Variants in PTPRS observed in about 807,000 individuals in gnomAD.
PTPRS encodes the protein receptor-type tyrosine-protein phosphatase S.
In PTPRS, 63 loss-of-function variants were observed where a neutral mutation model predicts 215.3. The observed-to-expected ratio is 0.29, with a 90% CI of 0.24 to 0.36. The LOEUF (loss-of-function observed/expected upper bound fraction) is 0.36, where lower values mean the gene tolerates loss of function less well. Among genes scored for constraint, PTPRS ranks in the 10% least tolerant of loss-of-function variants. PTPRS has a pLI of 1.00. For synonymous variants in PTPRS, 1,404 were observed against 1,191.4 expected (o/e 1.18, Z -3.68); for missense variants, 2,258 against 2,825.8 (o/e 0.80, Z 4.56).
intron 5 of PTPRS, among the ~76,000 whole-genome samples, chr19:5,264,167 C>CTCTCTTGTCTTCGTCCCATGATGT (rs71170902): frequency 5.3e-5 from 8 of 151,862 alleles, no homozygotes; most frequent in African/African-American, 1.9e-4. Flanking sequence ...CCGCCATCAC[C>CTCTCTTGTCTTCGTCCCATGATGT]TCTTACTGCT....
chr19:5,273,381 GT>G (rs2047086425), intron 4 of PTPRS, 60 bp downstream of exon 4: 64 of 1,610,756 alleles, frequency 4.0e-5, no homozygotes, highest in Non-Finnish European at 5.4e-5. Context: ...TATTCCTTTT[GT>G]GCTTGTCCCC....
Position 5,239,026 on chromosome 19 carries a change from A to G in PTPRS, c.1742T>C (p.Val581Ala). ...RTFDPTTSYVVEDLKPNTEYA... is the reference protein window; with the variant it reads ...RTFDPTTSYVAEDLKPNTEYA... Reference sequence around the variant, plus strand: ...CTCCGTGTTGGGCTTCAGGTCCTCCACCACGTAGGAAGTCGTCGGGTCGAA... The same window carrying G: ...CTCCGTGTTGGGCTTCAGGTCCTCCGCCACGTAGGAAGTCGTCGGGTCGAA... Residue 581 changes from valine to alanine, a missense_variant, in exon 13 of 38, where the codon GTG (valine) becomes GCG (alanine). Physicochemically the swap from Val to Ala is moderately conservative, Grantham distance 64. Transcript: ENST00000262963. The G allele has an allele frequency of 6.2e-7, 1 of 1,613,498 alleles. No homozygotes were observed. The highest frequency in any genetic ancestry group is 8.5e-7 in the Non-Finnish European group (1 of 1,179,830).
chr19:5,277,962 T>A, intron 2 of PTPRS: 1 of 1,486,350 alleles, frequency 6.7e-7, no homozygotes, highest in Non-Finnish European at 9.3e-7. Flanking sequence ...CTTCCGGAAG[T>A]TCCTGGTCCC....
intron 13 of PTPRS, among the ~76,000 whole-genome samples, chr19:5,236,155 C>T (rs2379609): frequency 0.81 from 123,571 of 152,254 alleles, 50,814 homozygotes; most frequent in African/African-American, 0.95. Context: ...TCTACAGTCA[C>T]TGGTTGTGTA....
chr19:5,207,629 A>G (rs1432191361), intron 37 of PTPRS, among the ~76,000 whole-genome samples: 1 of 152,206 alleles, frequency 6.6e-6, no homozygotes, highest in Non-Finnish European at 1.5e-5. Flanking sequence ...CTTGGGGGTC[A>G]GTGGTTCTTG....
intron 1 of PTPRS, among the ~76,000 whole-genome samples, chr19:5,334,518 C>A (rs927980268): frequency 1.3e-5 from 2 of 152,218 alleles, no homozygotes; most frequent in African/African-American, 2.4e-5. Flanking sequence ...CCAGGTCACA[C>A]AGCCAACAAG....
At chr19:5,215,711 C>T (rs1030096670) in intron 26 of PTPRS, 116 bp from the exon 27 acceptor site, 5 of 761,596 alleles carry the variant, frequency 6.6e-6, no homozygotes, top group South Asian at 3.7e-5. Context: ...GTTAGAAGGG[C>T]ATGGCCGGGG....
rs562844666 is a variant in PTPRS, at chr19:5,242,825, G to C, written c.1570+1076C>G. On this transcript the variant is annotated intron_variant, in intron 11 of 37. Transcript: ENST00000262963. ...GATCCTCTCATCTCAGCCTTGAGTAGCTGGGACTACAGGTGTGCACCATCA... is the reference window on the plus strand; with the variant it reads ...GATCCTCTCATCTCAGCCTTGAGTACCTGGGACTACAGGTGTGCACCATCA... 1.2e-4 allele frequency among the ~76,000 whole-genome samples: 19 copies of C among 152,238 alleles called. 3 individuals carry two copies. Among genetic ancestry groups the C allele is most frequent in the Admixed American group, 4.6e-4 (7 of 15,296 alleles).
chr19:5,287,880 G>A lies in PTPRS; in HGVS notation c.-94-1646C>T, dbSNP rs1023449429. Among the ~76,000 whole-genome samples, 7 of 150,334 alleles carry A rather than the reference G, an allele frequency of 4.7e-5. No individual in the cohort carries two copies. The highest frequency in any genetic ancestry group is 4.2e-4 in the South Asian group (2 of 4,706). On this transcript the variant is annotated intron_variant, in intron 1 of 37. Coordinates refer to ENST00000262963, the MANE Select transcript of PTPRS (RefSeq NM_002850.4). This position sits in a 1 kb window ranked among gnomAD's most constrained non-coding sequence, Gnocchi z 4.8. Reference sequence around the variant, plus strand: ...CACAGTCAAACCACCGATACACACCGACACACAGTCAGACTGCAAGCGGTT... The same window carrying A: ...CACAGTCAAACCACCGATACACACCAACACACAGTCAGACTGCAAGCGGTT...
At chr19:5,256,646 C>T (rs1330224824) in intron 8 of PTPRS, among the ~76,000 whole-genome samples, 1 of 152,144 alleles carries the variant, frequency 6.6e-6, no homozygotes, top group Non-Finnish European at 1.5e-5. Flanking sequence ...AGGTGAAGAC[C>T]AGTCAGTTGG....
Position 5,229,533 on chromosome 19 carries a change from G to C in PTPRS, c.2307C>G (p.Arg769=). The change falls in exon 15 of 38, where the codon CGC becomes CGG. Residue 769 remains arginine (R), a synonymous_variant. Coordinates refer to ENST00000262963, the MANE Select transcript of PTPRS (RefSeq NM_002850.4). ...HYVRMEGAEA[R]GPPRIKDVML... is the part of the protein sequence containing the mutation. ...TGACGTCCTTGATGCGCGGCGGCCC[G>C]CGGGCCTCGGCGCCCTCCATGCGCA... 6.8e-7 allele frequency: 1 copy of C among 1,463,818 alleles called. No homozygotes were observed. The allele number at this position is 1,463,818 out of a possible 1,614,324, so 90.7% of individuals were successfully genotyped here. A position where few individuals can be genotyped will look rare whatever the true frequency, so the allele number is the denominator to read the frequency against.
chr19:5,256,194 G>C, intron 8 of PTPRS, 75 bp from the exon 9 acceptor site: 2 of 1,215,378 alleles, frequency 1.6e-6, no homozygotes, highest in East Asian at 2.7e-5. Context: ...GAGATACAGA[G>C]AGTAAAAAGA....
rs1432870715 is a variant in PTPRS at position 5,293,082 on chromosome 19, G to C, written c.-94-6848C>G. On this transcript the variant is annotated intron_variant, in intron 1 of 37. Transcript: ENST00000262963. The surrounding 1 kb of genome is among the most constrained non-coding windows in gnomAD (Gnocchi z 8.4). ...GGAGCCTGGAGGGGGCGCGACAAGA[G>C]AGACAAAGCCCGGGGCGGCCCGGGC... 1.3e-5 allele frequency: 2 copies of C among 151,888 alleles called. No individual in the cohort carries two copies. The highest frequency in any genetic ancestry group is 4.8e-5 in the African/African-American group (2 of 41,390). The allele number at this position is 151,888 out of a possible 1,614,324, so 9.4% of individuals were successfully genotyped here.
intron 24 of PTPRS, 127 bp downstream of exon 24, chr19:5,218,660 C>G: frequency 6.6e-7 from 1 of 1,513,022 alleles, no homozygotes; most frequent in Non-Finnish European, 9.2e-7. Flanking sequence ...TTTCCAGGAC[C>G]AAGTACAGCT....
At chr19:5,278,780 G>T (rs1257754004) in intron 2 of PTPRS, among the ~76,000 whole-genome samples, 1 of 151,968 alleles carries the variant, frequency 6.6e-6, no homozygotes, top group East Asian at 1.9e-4. Flanking sequence ...CAGCCAGGAT[G>T]CTTTTTAAAA....
intron 35 of PTPRS, among the ~76,000 whole-genome samples, chr19:5,209,616 G>T (rs2040677570): frequency 6.6e-6 from 1 of 152,044 alleles, no homozygotes; most frequent in Non-Finnish European, 1.5e-5. Flanking sequence ...ATTTCCCATT[G>T]ATTTTCTCCA....
chr19:5,220,564 A>G (rs531123671), intron 20 of PTPRS, among the ~76,000 whole-genome samples: 24 of 152,284 alleles, frequency 1.6e-4, no homozygotes, highest in Non-Finnish European at 2.9e-4. Context: ...TAGAAGGCTT[A>G]CTTCATGTAA....
At chr19:5,267,466 G>C (rs1484660504) in intron 4 of PTPRS, among the ~76,000 whole-genome samples, 1 of 152,036 alleles carries the variant, frequency 6.6e-6, no homozygotes, top group Non-Finnish European at 1.5e-5. Context: ...AGACCAGCCT[G>C]GCCAACATGG....
At chr19:5,315,161 G>A (rs1006891447) in intron 1 of PTPRS, among the ~76,000 whole-genome samples, 9 of 151,682 alleles carry the variant, frequency 5.9e-5, no homozygotes, top group East Asian at 1.9e-4. Flanking sequence ...ATCAGCCACC[G>A]CCACCTCCTC....
Sources: gnomAD v4.1 joint callset for allele counts (sites outside exome capture counted in the v4.1 genomes callset) on GRCh38, gnomAD v4.1.1 for gene constraint, Gnocchi (gnomAD v3.1) non-coding constraint, MANE v1.5 for transcripts, NCBI Gene and HGNC (gene_info 2026-07-23, HGNC 2026-07-21) for gene names.